Variants in NCSTN observed in about 807,000 individuals in gnomAD.
NCSTN encodes the protein nicastrin.
In NCSTN, 22 loss-of-function variants were observed where a neutral mutation model predicts 87.0. The ratio of observed to expected loss-of-function variants is 0.25; its 90% CI spans 0.18 to 0.36. NCSTN has a LOEUF of 0.36. NCSTN is among the 10% of genes least tolerant of loss of function. The pLI is 1.00. For synonymous variants in NCSTN, 306 were observed against 327.1 expected (o/e 0.94, Z 0.69); for missense variants, 693 against 883.3 (o/e 0.78, Z 2.73).
rs1649016189 is a variant in NCSTN, at chr1:160,354,200, C to T, written c.1262C>T (p.Pro421Leu). Reference protein sequence around the residue: ...VILRRPNQSQPLPPSSLQRFL... With the variant: ...VILRRPNQSQLLPPSSLQRFL... ...CTCAGGAGGCCAAATCAGTCCCAGC[C>T]TCTCCCACCATCTTCCCTGCAGCGA... is the stretch of plus-strand genomic sequence containing the variant. The change falls in exon 11 of 17, where the codon CCT becomes CTT. Residue 421 changes from proline (P) to leucine (L), a missense_variant. This residue lies in a region of NCSTN where 108 missense variants were observed against 111.6 expected (regional missense o/e 0.97). Transcript: ENST00000294785. The T allele has an allele frequency of 5.6e-6, 9 of 1,614,050 alleles. No homozygotes were observed. The East Asian group carries it at 2.0e-4, about 36-fold the overall frequency.
At chr1:160,352,347 C>A (rs1292979327) in intron 8 of NCSTN, 141 bp downstream of exon 8, 1 of 1,042,318 alleles carries the variant, frequency 9.6e-7, no homozygotes, top group African/African-American at 1.6e-5. Context: ...CTACATGTGT[C>A]TCCCCTTTAG....
At chr1:160,348,134 A>T (rs1026527201) in intron 2 of NCSTN, among the ~76,000 whole-genome samples, 1 of 152,208 alleles carries the variant, frequency 6.6e-6, no homozygotes, top group Non-Finnish European at 1.5e-5. Flanking sequence ...GAAGACTCAC[A>T]GGGAGACCCT....
chr1:160,352,996 G>A lies in NCSTN; in HGVS notation c.1101+5G>A. 1 of 1,609,544 alleles carries A rather than the reference G, an allele frequency of 6.2e-7. No individual in the cohort carries two copies. The highest frequency in any genetic ancestry group is 1.1e-5 in the South Asian group (1 of 90,990). Reference sequence around the variant, plus strand: ...TCATTTGTGGAGCTGGGACAGGTATGTGGCATGTCCCCCAGCCCCTTCCTT... The same window carrying A: ...TCATTTGTGGAGCTGGGACAGGTATATGGCATGTCCCCCAGCCCCTTCCTT... On this transcript the variant is annotated splice_donor_5th_base_variant and intron_variant, in intron 9 of 16. Transcript: ENST00000294785.
At chr1:160,349,809 G>A (rs1648739366) in intron 4 of NCSTN, 139 bp downstream of exon 4, 5 of 1,282,652 alleles carry the variant, frequency 3.9e-6, no homozygotes, top group Non-Finnish European at 5.6e-6. Context: ...AGGGGGTAGT[G>A]TTTATTTGTC....
chr1:160,354,236 C>A lies in NCSTN; in HGVS notation c.1298C>A (p.Ala433Asp). 1 of 1,614,176 alleles carries A rather than the reference C, an allele frequency of 6.2e-7. No homozygotes were observed. Among genetic ancestry groups the A allele is most frequent in the South Asian group, 1.1e-5 (1 of 91,086 alleles). The change falls in exon 11 of 17, where the codon GCT becomes GAT. Residue 433 changes from alanine to aspartate, a missense_variant. Ala to Asp is a moderately radical substitution (Grantham distance 126). This residue lies in a region of NCSTN where 108 missense variants were observed against 111.6 expected (regional missense o/e 0.97). Transcript: ENST00000294785. ...PPSSLQRFLR[A>D]RNISGVVLAD... The stretch of plus-strand genomic sequence containing the variant: ...TCTTCCCTGCAGCGATTTCTTCGAG[C>A]TCGAAACATCTCTGGCGTTGTTCTG...
At chr1:160,344,186 G>C (rs1007843267) in intron 1 of NCSTN, among the ~76,000 whole-genome samples, 2 of 151,964 alleles carry the variant, frequency 1.3e-5, no homozygotes, top group African/African-American at 4.8e-5. Context: ...AATTCACATT[G>C]TTTTTAAGGA....
rs1648836461 is a variant in NCSTN at position 160,351,487 on chromosome 1, C to T, written c.733+115C>T. On this transcript the variant is annotated intron_variant, in intron 6 of 16. Coordinates refer to ENST00000294785, the MANE Select transcript of NCSTN (RefSeq NM_015331.3). ...GGAAGGAGTAGACACCATGAAGGAG[C>T]TCTGCATGGGAGAACTAGAAACAAT... 3 of 1,368,292 alleles carry T rather than the reference C, an allele frequency of 2.2e-6. No homozygotes were observed. The South Asian group carries it at 3.6e-5, about 17-fold the overall frequency. The allele number at this position is 1,368,292 out of a possible 1,614,324, so 84.8% of individuals were successfully genotyped here.
intron 9 of NCSTN, 70 bp from the exon 10 acceptor site, chr1:160,353,090 C>G: frequency 6.3e-7 from 1 of 1,585,196 alleles, no homozygotes; most frequent in Non-Finnish European, 8.7e-7. Context: ...CTTCCCTTGA[C>G]TTCTATCCCC....
intron 10 of NCSTN, 75 bp downstream of exon 10, chr1:160,353,312 C>T (rs1648968557): frequency 1.9e-6 from 3 of 1,608,420 alleles, no homozygotes; most frequent in South Asian, 2.2e-5. Context: ...CCTGTTTCCA[C>T]CAACCCCCAG....
intron 6 of NCSTN, 35 bp from the exon 7 acceptor site, chr1:160,351,661 C>A: frequency 1.3e-6 from 2 of 1,517,518 alleles, no homozygotes; most frequent in South Asian, 1.1e-5. Flanking sequence ...TCTCCTTTAG[C>A]CTTGTTGATC....
intron 8 of NCSTN, 27 bp from the exon 9 acceptor site, chr1:160,352,860 C>T (rs749511187): frequency 1.3e-6 from 2 of 1,573,698 alleles, no homozygotes; most frequent in African/African-American, 1.4e-5. Context: ...ATCTCTGTTC[C>T]CCCTCCCACC....
chr1:160,345,050 C>T (rs1648390913), intron 2 of NCSTN: 2 of 603,974 alleles, frequency 3.3e-6, no homozygotes. Context: ...ACAACCCCAA[C>T]CACAACCCCA....
At chr1:160,352,701 G>A (rs139987221) in intron 8 of NCSTN, among the ~76,000 whole-genome samples, 186 bp from the exon 9 acceptor site, 2,013 of 152,308 alleles carry the variant, frequency 0.013, 28 homozygotes, top group Non-Finnish European at 0.018. Flanking sequence ...TAATACATAT[G>A]AGGGATAGTC....
chr1:160,358,170 T>C lies in NCSTN; in HGVS notation c.2029T>C (p.Phe677Leu). The change falls in exon 17 of 17, where the codon TTC becomes CTC. Residue 677 changes from phenylalanine to leucine, a missense_variant. Phe to Leu is a conservative substitution (Grantham distance 22). This residue lies in a region of NCSTN where 216 missense variants were observed against 311.7 expected (regional missense o/e 0.69). Transcript: ENST00000294785. ...GCAGTTGATCACCCTGACAGTGGGC[T>C]TCGGCATCCTCATCTTCTCCCTCAT... ...ELELITLTVG[F>L]GILIFSLIVT... The C allele has an allele frequency of 6.2e-7, 1 of 1,614,174 alleles. No homozygotes were observed. Among genetic ancestry groups the C allele is most frequent in the Non-Finnish European group, 8.5e-7 (1 of 1,180,032 alleles).
At chr1:160,350,734 G>A (rs190864550) in intron 5 of NCSTN, among the ~76,000 whole-genome samples, 2 of 152,170 alleles carry the variant, frequency 1.3e-5, no homozygotes, top group Non-Finnish European at 2.9e-5. Flanking sequence ...CATTGGATTA[G>A]AGATTGAGAA....
At chr1:160,353,526 C>T (rs1648980347) in intron 10 of NCSTN, 1 of 1,305,228 alleles carries the variant, frequency 7.7e-7, no homozygotes, top group Non-Finnish European at 9.8e-7. Context: ...CCCTTCTTGC[C>T]TTGCTGCCCC....
At chr1:160,346,549 C>G (rs1648501633) in intron 2 of NCSTN, among the ~76,000 whole-genome samples, 2 of 151,912 alleles carry the variant, frequency 1.3e-5, no homozygotes, top group South Asian at 4.1e-4. Flanking sequence ...ATACAAAGCA[C>G]TGGGAGTAGG....
chr1:160,347,829 C>T (rs2038780), intron 2 of NCSTN, among the ~76,000 whole-genome samples: 65,599 of 152,130 alleles, frequency 0.43, 15,142 homozygotes, highest in South Asian at 0.61. Context: ...AGGCTGGTCT[C>T]AAACTCCTGA....
In NCSTN at chr1:160,358,172, C is replaced by T. The variant is rs201068213; in HGVS notation, c.2031C>T (p.Phe677=). 21 of 1,614,042 alleles carry T rather than the reference C, an allele frequency of 1.3e-5. No homozygotes were observed. The Admixed American group carries it at 2.8e-4, about 22-fold the overall frequency. Residue 677 remains phenylalanine, a synonymous_variant, in exon 17 of 17, where the codon TTC becomes TTT. Coordinates refer to ENST00000294785, the MANE Select transcript of NCSTN (RefSeq NM_015331.3). Reference sequence around the variant, plus strand: ...AGTTGATCACCCTGACAGTGGGCTTCGGCATCCTCATCTTCTCCCTCATCG... The same window carrying T: ...AGTTGATCACCCTGACAGTGGGCTTTGGCATCCTCATCTTCTCCCTCATCG... ...ELELITLTVG[F]GILIFSLIVT...
Sources: gnomAD v4.1 joint callset for allele counts (sites outside exome capture counted in the v4.1 genomes callset) on GRCh38, gnomAD v4.1.1 for gene constraint, gnomAD v4.1.1 regional missense constraint, MANE v1.5 for transcripts, NCBI Gene and HGNC (gene_info 2026-07-23, HGNC 2026-07-21) for gene names.